The following PCTP variants were observed in gnomAD, a reference collection of about 807,000 sequenced individuals.
The protein encoded by PCTP is phosphatidylcholine transfer protein.
A neutral mutation model predicts 31.0 loss-of-function variants in PCTP; 27 were observed. That is an observed-to-expected ratio of 0.87 (90% CI 0.64 to 1.20). The LOEUF (loss-of-function observed/expected upper bound fraction) is 1.20. Ranked by LOEUF, PCTP falls within the 50% of genes most tolerant of loss-of-function variation. The pLI is 0.00. For missense variants in PCTP, 287 were observed against 268.2 expected, an observed-to-expected ratio of 1.07 and a Z score of -0.49; for synonymous variants, 108 against 101.2, an observed-to-expected ratio of 1.07 and a Z score of -0.40.
At chr17:55,782,495 T>C (rs1911599363) in intron 2 of PCTP, among the ~76,000 whole-genome samples, 1 of 152,174 alleles carries the variant, frequency 6.6e-6, no homozygotes, top group African/African-American at 2.4e-5. Context: ...GGAAATACTA[T>C]CTCCAACTTA....
chr17:55,799,207 A>G (rs1912286502), intron 3 of PCTP, among the ~76,000 whole-genome samples: 1 of 152,152 alleles, frequency 6.6e-6, no homozygotes, highest in Middle Eastern at 3.4e-3. Context: ...CTATTCAAAC[A>G]GACAAAGATT....
At position 55,776,350 on chromosome 17, in the gene PCTP, G is replaced by T. The variant is rs1051551038; in HGVS notation, c.*250G>T. On this transcript the variant is annotated 3_prime_UTR_variant, in exon 6 of 6. Transcript: ENST00000268896. Reference sequence around the variant, plus strand: ...TCTCGCTCCCCCCATCCTGGGCTGGGCTGCCTTCTTCTACAGTTCAATATG... The same window carrying T: ...TCTCGCTCCCCCCATCCTGGGCTGGTCTGCCTTCTTCTACAGTTCAATATG... The T allele has an allele frequency of 5.9e-5, 79 of 1,346,452 alleles. 1 individual carries two copies. In the South Asian group the frequency reaches 9.6e-4, roughly 16 times the overall value. The allele number at this position is 1,346,452 out of a possible 1,614,324, so 83.4% of individuals were successfully genotyped here.
chr17:55,845,500 G>A (rs922527680), downstream of PCTP, among the ~76,000 whole-genome samples: 5 of 152,184 alleles, frequency 3.3e-5, no homozygotes, highest in Non-Finnish European at 7.3e-5. Flanking sequence ...GGGGCAGTGT[G>A]GTCCTGCCGA....
chr17:55,760,819 G>T (rs1264505335), intron 1 of PCTP, among the ~76,000 whole-genome samples: 1 of 152,134 alleles, frequency 6.6e-6, no homozygotes, highest in African/African-American at 2.4e-5. Context: ...GTGGCCTGGA[G>T]CAGGAGTACT....
rs1911374216 is a variant in PCTP, at chr17:55,777,049, T to C, written c.*949T>C. 2 of 985,854 alleles carry C rather than the reference T, an allele frequency of 2.0e-6. No homozygotes were observed. The highest frequency in any genetic ancestry group is 4.7e-5 in the South Asian group (1 of 21,288). 61.1% of individuals were successfully genotyped at this position (985,854 alleles called of 1,614,324 possible). A position where few individuals can be genotyped will look rare whatever the true frequency, so the allele number is the denominator to read the frequency against. On this transcript the variant is annotated 3_prime_UTR_variant, in exon 6 of 6. Transcript: ENST00000268896. ...AGTTCACAGCCAGGTAAAATTTAAC[T>C]GGTGGCTTAATGACTCTGCACCTTT...
At chr17:55,828,662 G>GA (rs1413362649) in intron 5 of PCTP, among the ~76,000 whole-genome samples, 1 of 152,132 alleles carries the variant, frequency 6.6e-6, no homozygotes, top group Non-Finnish European at 1.5e-5. Flanking sequence ...TTGTGCGGGG[G>GA]AGGGTGGGAA....
chr17:55,797,119 C>T (rs1912212502), intron 3 of PCTP, among the ~76,000 whole-genome samples: 1 of 151,936 alleles, frequency 6.6e-6, no homozygotes, highest in African/African-American at 2.4e-5. Context: ...AAAATTCGAC[C>T]CTCTACCTTT....
At chr17:55,808,378 T>C (rs888901952) in intron 3 of PCTP, among the ~76,000 whole-genome samples, 1 of 152,206 alleles carries the variant, frequency 6.6e-6, no homozygotes, top group African/African-American at 2.4e-5. Flanking sequence ...AGCAAATTAT[T>C]TGACATGAGT....
At chr17:55,782,585 C>T (rs1911602119) in intron 2 of PCTP, among the ~76,000 whole-genome samples, 1 of 152,168 alleles carries the variant, frequency 6.6e-6, no homozygotes, top group Admixed American at 6.5e-5. Flanking sequence ...ACTGGGAACT[C>T]AAAGCTAGGC....
At chr17:55,781,013 T>TAA (rs35519775), downstream of PCTP, among the ~76,000 whole-genome samples, 237 of 131,068 alleles carry the variant, frequency 1.8e-3, no homozygotes, top group African/African-American at 5.5e-3. Flanking sequence ...CCACAGCATG[T>TAA]AAAAAAAAAA....
At chr17:55,794,782 G>A (rs1912129698) in intron 3 of PCTP, among the ~76,000 whole-genome samples, 1 of 151,986 alleles carries the variant, frequency 6.6e-6, no homozygotes, top group Admixed American at 6.6e-5. Context: ...TCCAGCTCCT[G>A]CCAAGAGACC....
intron 1 of PCTP, among the ~76,000 whole-genome samples, chr17:55,763,988 T>A (rs1910491353): frequency 6.6e-6 from 1 of 152,200 alleles, no homozygotes; most frequent in South Asian, 2.1e-4. Context: ...TCGAAGGGAA[T>A]GTTTAAAGGA....
intron 5 of PCTP, among the ~76,000 whole-genome samples, chr17:55,831,034 G>A (rs1026614542): frequency 1.3e-5 from 2 of 152,194 alleles, no homozygotes; most frequent in Admixed American, 1.3e-4. Context: ...CAGGGCAGGG[G>A]CAGCAGCCTT....
chr17:55,837,242 G>T (rs1905807746), intron 5 of PCTP, among the ~76,000 whole-genome samples: 1 of 152,172 alleles, frequency 6.6e-6, no homozygotes, highest in Non-Finnish European at 1.5e-5. Context: ...GCAAGCAGTG[G>T]GTGGTAATAA....
rs188925557 is a variant in PCTP at position 55,839,200 on chromosome 17, T to A, written n.506-3527T>A. Among the ~76,000 whole-genome samples, 5 of 152,346 alleles carry A rather than the reference T, an allele frequency of 3.3e-5. 1 individual carries two copies. The highest frequency in any genetic ancestry group is 2.0e-4 in the Admixed American group (3 of 15,312). On this transcript the variant is annotated intron_variant and non_coding_transcript_variant, in intron 5 of 5. Coordinates refer to the PCTP transcript ENST00000576221. Reference sequence around the variant, plus strand: ...ATTGCTGCTGCTTCTTAATCCCTTTTGAGCCTCAATTTCTTTTTGTATAAA... The same window carrying A: ...ATTGCTGCTGCTTCTTAATCCCTTTAGAGCCTCAATTTCTTTTTGTATAAA...
downstream of PCTP, among the ~76,000 whole-genome samples, chr17:55,827,253 A>G (rs191286227): frequency 3.5e-4 from 53 of 152,248 alleles, no homozygotes; most frequent in African/African-American, 1.2e-3. Flanking sequence ...CCACTCATTT[A>G]GAATCCTGCT....
chr17:55,831,470 C>T lies in PCTP; in HGVS notation n.505+8543C>T, dbSNP rs921256082. Reference sequence around the variant, plus strand: ...GGGTAGCATCAGCCAAATAGCCAACCGCTTTGGGCATCAGCTTCCTTCCTT... The same window carrying T: ...GGGTAGCATCAGCCAAATAGCCAACTGCTTTGGGCATCAGCTTCCTTCCTT... On this transcript the variant is annotated intron_variant and non_coding_transcript_variant, in intron 5 of 5. Coordinates refer to the PCTP transcript ENST00000576221. 5.3e-5 allele frequency among the ~76,000 whole-genome samples: 8 copies of T among 152,132 alleles called. No homozygotes were observed. The East Asian group carries it at 7.7e-4, about 15-fold the overall frequency.
intron 3 of PCTP, among the ~76,000 whole-genome samples, chr17:55,789,687 G>A (rs1567722041): frequency 6.6e-6 from 1 of 152,078 alleles, no homozygotes; most frequent in Non-Finnish European, 1.5e-5. Context: ...TCTCACATAA[G>A]GACCAGATGG....
rs1567713957 is a variant in PCTP at position 55,767,444 on chromosome 17, A to T, written c.251A>T (p.Tyr84Phe). 1 of 1,592,006 alleles carries T rather than the reference A, an allele frequency of 6.3e-7. No individual in the cohort carries two copies. The highest frequency in any genetic ancestry group is 8.6e-7 in the Non-Finnish European group (1 of 1,163,818). ...GATTACAGAAAACAATGGGACCAGT[A>T]TGTTAAAGGTGAGTGATGCTTGCTT... Reference protein sequence around the residue: ...DSDYRKQWDQYVKELYEQECN... With the variant: ...DSDYRKQWDQFVKELYEQECN... Residue 84 changes from tyrosine (Y) to phenylalanine (F), a missense_variant, in exon 2 of 6, where the codon TAT becomes TTT. Physicochemically the swap from Tyr to Phe is conservative, Grantham distance 22. Coordinates refer to ENST00000268896, the MANE Select transcript of PCTP (RefSeq NM_021213.4).
Sources: allele counts gnomAD v4.1 joint callset (sites outside exome capture counted in the v4.1 genomes callset), GRCh38; gene constraint gnomAD v4.1.1; transcripts MANE v1.5; gene names NCBI Gene and HGNC (gene_info 2026-07-23, HGNC 2026-07-21).